The following FAR1 variants were observed in gnomAD, a reference collection of about 807,000 sequenced individuals.
FAR1 encodes male sterility domain-containing protein 2.
A neutral mutation model predicts 61.1 loss-of-function variants in FAR1; 22 were observed. The observed-to-expected ratio is 0.36, with a 90% CI of 0.26 to 0.51. The LOEUF (loss-of-function observed/expected upper bound fraction) is 0.51, where lower values mean the gene tolerates loss of function less well. Among genes scored for constraint, FAR1 ranks in the 20% least tolerant of loss-of-function variants. The pLI, the probability that FAR1 is intolerant of heterozygous loss-of-function variation, is 0.95. For missense variants in FAR1, 359 were observed against 626.9 expected, an observed-to-expected ratio of 0.57 and a Z score of 4.56; for synonymous variants, 206 against 209.7, an observed-to-expected ratio of 0.98 and a Z score of 0.15.
At chr11:13,699,121 A>G (rs140141357) in intron 2 of FAR1, among the ~76,000 whole-genome samples, 2,851 of 152,192 alleles carry the variant, frequency 0.019, 42 homozygotes, top group Non-Finnish European at 0.026. Context: ...TCCCTAACAC[A>G]CACACACATT....
intron 1 of FAR1, among the ~76,000 whole-genome samples, chr11:13,671,013 A>G (rs533805471): frequency 4.6e-4 from 70 of 152,350 alleles, no homozygotes; most frequent in African/African-American, 1.6e-3. Flanking sequence ...CCAGATCAGC[A>G]AAGCATTTTA....
At chr11:13,707,212 A>G (rs1038101674) in intron 3 of FAR1, among the ~76,000 whole-genome samples, 3 of 152,118 alleles carry the variant, frequency 2.0e-5, no homozygotes, top group Admixed American at 1.3e-4. Context: ...ACTTTTCTGC[A>G]TATATACTTT....
chr11:13,724,809 C>G (rs977304795), intron 10 of FAR1, among the ~76,000 whole-genome samples: 1 of 152,186 alleles, frequency 6.6e-6, no homozygotes, highest in African/African-American at 2.4e-5. Flanking sequence ...CTGCATGTCT[C>G]AGTTTGGACT....
At position 13,727,661 on chromosome 11, in the gene FAR1, G is replaced by A. The variant is rs1384552481; in HGVS notation, c.1363G>A (p.Ala455Thr). 1 of 1,608,718 alleles carries A rather than the reference G, an allele frequency of 6.2e-7. No homozygotes were observed. Among genetic ancestry groups the A allele is most frequent in the Non-Finnish European group, 8.5e-7 (1 of 1,177,026 alleles). Residue 455 changes from alanine to threonine, a missense_variant, in exon 11 of 12, where the codon GCA becomes ACA. By Grantham distance (58) the Ala-to-Thr change is moderately conservative. Coordinates refer to ENST00000354817, the MANE Select transcript of FAR1 (RefSeq NM_032228.6). ...VLNEEMSGLPAARKHLNKLRN... is the reference protein window; with the variant it reads ...VLNEEMSGLPTARKHLNKLRN... Reference sequence around the variant, plus strand: ...GAATGAAGAAATGTCTGGCCTCCCTGCAGCCAGAAAACATCTGAACAAGTG... The same window carrying A: ...GAATGAAGAAATGTCTGGCCTCCCTACAGCCAGAAAACATCTGAACAAGTG...
At chr11:13,722,888 T>C (rs942372982) in intron 10 of FAR1, among the ~76,000 whole-genome samples, 1 of 151,180 alleles carries the variant, frequency 6.6e-6, no homozygotes, top group Non-Finnish European at 1.5e-5. Context: ...AAAATATGTA[T>C]ATATGTATAC....
intron 1 of FAR1, among the ~76,000 whole-genome samples, chr11:13,692,061 G>A (rs1375970041): frequency 7.9e-5 from 12 of 152,024 alleles, no homozygotes; most frequent in Admixed American, 6.6e-4. Context: ...CCAGCTACTC[G>A]AAGGCTGAGG....
intron 1 of FAR1, among the ~76,000 whole-genome samples, chr11:13,688,119 T>A (rs1029905420): frequency 4.6e-5 from 7 of 151,992 alleles, no homozygotes; most frequent in African/African-American, 9.7e-5. Flanking sequence ...ATTAAAAAAA[T>A]TTGAAAATAA....
chr11:13,708,134 C>A (rs552204793), intron 4 of FAR1, 55 bp downstream of exon 4: 3 of 1,303,614 alleles, frequency 2.3e-6, no homozygotes, highest in Admixed American at 2.3e-5. Context: ...GAGGCCAAGG[C>A]GGGCGGATCA....
chr11:13,675,447 A>G (rs961201826), intron 1 of FAR1, among the ~76,000 whole-genome samples: 12 of 152,198 alleles, frequency 7.9e-5, no homozygotes, highest in African/African-American at 2.4e-4. Flanking sequence ...GCGCTATAGA[A>G]TAAGTTATAT....
At chr11:13,727,088 T>TAG (rs1848674682) in intron 10 of FAR1, among the ~76,000 whole-genome samples, 1 of 152,030 alleles carries the variant, frequency 6.6e-6, no homozygotes, top group South Asian at 2.1e-4. Context: ...CCAGCTTTCA[T>TAG]AACATATCTT....
In FAR1 at chr11:13,721,154, C is replaced by T. The variant is rs1419358841; in HGVS notation, c.1128-576C>T. The T allele has an allele frequency of 3.9e-5, 6 of 152,230 alleles. No individual in the cohort carries two copies. The highest frequency in any genetic ancestry group is 3.9e-4 in the Admixed American group (6 of 15,270). 9.4% of individuals were successfully genotyped at this position (152,230 alleles called of 1,614,324 possible). ...AGCATGAGTCATTGATTTCACAGCA[C>T]ATCCAGATGATCAAGAGTGGTGCCA... On this transcript the variant is annotated intron_variant, in intron 9 of 11. Coordinates refer to ENST00000354817, the MANE Select transcript of FAR1 (RefSeq NM_032228.6). This position sits in a 1 kb window ranked among gnomAD's most constrained non-coding sequence, Gnocchi z 4.2.
intron 1 of FAR1, among the ~76,000 whole-genome samples, chr11:13,671,384 G>A (rs139411820): frequency 2.6e-5 from 4 of 152,212 alleles, no homozygotes; most frequent in African/African-American, 7.2e-5. Flanking sequence ...ATCAACCAAG[G>A]CTATGTTGCA....
At chr11:13,694,241 A>G (rs1425390089) in intron 1 of FAR1, among the ~76,000 whole-genome samples, 1 of 152,158 alleles carries the variant, frequency 6.6e-6, no homozygotes, top group African/African-American at 2.4e-5. Flanking sequence ...ATATACTGTC[A>G]CTAAGAGACA....
At chr11:13,689,726 TATC>T (rs1848226793) in intron 1 of FAR1, among the ~76,000 whole-genome samples, 1 of 152,180 alleles carries the variant, frequency 6.6e-6, no homozygotes, top group African/African-American at 2.4e-5. Context: ...CTAAGTATCA[TATC>T]AACCTGTACT....
At chr11:13,706,082 A>T (rs894031425) in intron 3 of FAR1, among the ~76,000 whole-genome samples, 28 of 152,114 alleles carry the variant, frequency 1.8e-4, no homozygotes, top group Admixed American at 5.2e-4. Flanking sequence ...AACTTTTTTT[A>T]AAAAATTTCC....
At chr11:13,710,899 C>T (rs1848491069) in intron 5 of FAR1, 29 bp downstream of exon 5, 1 of 1,586,466 alleles carries the variant, frequency 6.3e-7, no homozygotes, top group Non-Finnish European at 8.6e-7. Context: ...TTATAAATAA[C>T]TGGAGTTGAG....
chr11:13,720,247 CTT>C (rs901853086), intron 9 of FAR1: 7 of 152,100 alleles, frequency 4.6e-5, no homozygotes, highest in Non-Finnish European at 8.8e-5. Context: ...TTAAGAAAAA[CTT>C]TTTAATAAGG....
intron 4 of FAR1, 98 bp downstream of exon 4, chr11:13,708,177 C>A: frequency 2.6e-6 from 2 of 754,956 alleles, no homozygotes; most frequent in Non-Finnish European, 3.9e-6. Context: ...GCCAGGCCAA[C>A]ATAGTGAAAC....
At chr11:13,690,966 T>C (rs1848242911) in intron 1 of FAR1, among the ~76,000 whole-genome samples, 1 of 152,234 alleles carries the variant, frequency 6.6e-6, no homozygotes, top group South Asian at 2.1e-4. Flanking sequence ...TAAAAAATAA[T>C]TTATTGAGAT....
Sources: gnomAD v4.1 joint callset for allele counts (sites outside exome capture counted in the v4.1 genomes callset) on GRCh38, gnomAD v4.1.1 for gene constraint, Gnocchi (gnomAD v3.1) non-coding constraint, MANE v1.5 for transcripts, NCBI Gene and HGNC (gene_info 2026-07-23, HGNC 2026-07-21) for gene names.